Variants in PRSS12 observed in about 807,000 individuals in gnomAD.
PRSS12 encodes the protein neurotrypsin.
PRSS12 carries 85 observed loss-of-function variants against 104.4 expected under a neutral mutation model. The ratio of observed to expected loss-of-function variants is 0.81; its 90% CI spans 0.68 to 0.98. The LOEUF is 0.98. Ranked by LOEUF, PRSS12 falls within the 50% of genes least tolerant of loss-of-function variation. The pLI, the probability that PRSS12 is intolerant of heterozygous loss-of-function variation, is 0.00. For synonymous variants in PRSS12, 454 were observed against 425.2 expected, an observed-to-expected ratio of 1.07 and a Z score of -0.83; for missense variants, 1,141 against 1,139.2, an observed-to-expected ratio of 1.00 and a Z score of -0.02.
In PRSS12 at chr4:118,283,090, G is replaced by T; in HGVS notation, c.2061C>A (p.Ser687Arg). The change falls in exon 12 of 13, where the codon AGC becomes AGA. Residue 687 changes from serine to arginine, a missense_variant. By Grantham distance (110) the Ser-to-Arg change is moderately radical. Coordinates refer to ENST00000296498, the MANE Select transcript of PRSS12 (RefSeq NM_003619.4). ...GATAATCTCCAACCCTAACAGCATA[G>T]CTCCTAGTGCTGTTGCCATACCTGA... The part of the protein sequence containing the change: ...CFKRYGNSTR[S>R]YAVRVGDYHT... 6.2e-7 allele frequency: 1 copy of T among 1,614,068 alleles called. No individual in the cohort carries two copies.
At chr4:118,299,621 A>T (rs1743341317) in intron 8 of PRSS12, among the ~76,000 whole-genome samples, 1 of 151,488 alleles carries the variant, frequency 6.6e-6, no homozygotes, top group African/African-American at 2.4e-5. Flanking sequence ...CGGAAGCTGC[A>T]GTGAGCCGAG....
chr4:118,328,238 A>G (rs1723830082), intron 4 of PRSS12, among the ~76,000 whole-genome samples: 1 of 152,234 alleles, frequency 6.6e-6, no homozygotes, highest in South Asian at 2.1e-4. Flanking sequence ...GTAAACGAAG[A>G]ATGTCAGCTC....
At chr4:118,337,291 A>G (rs1724085974) in intron 2 of PRSS12, among the ~76,000 whole-genome samples, 1 of 152,174 alleles carries the variant, frequency 6.6e-6, no homozygotes, top group African/African-American at 2.4e-5. Context: ...AAATATTTCC[A>G]TGCTTTCTAA....
chr4:118,345,563 C>A (rs1019030439), intron 1 of PRSS12, among the ~76,000 whole-genome samples: 1 of 152,058 alleles, frequency 6.6e-6, no homozygotes, highest in African/African-American at 2.4e-5. Flanking sequence ...AGAATTAAAT[C>A]ATATAATCAT....
rs70941165 is a variant in PRSS12, at chr4:118,316,837, A to AATATATATATAT, written c.1151-526_1151-515dup. ...ACTCCGTCTCACGGAAAAAAAAAAA[A>AATATATATATAT]ATATATATATATATATATATCTTTC... is the stretch of plus-strand genomic sequence containing the variant. On this transcript the variant is annotated intron_variant, in intron 5 of 12. Coordinates refer to ENST00000296498, the MANE Select transcript of PRSS12 (RefSeq NM_003619.4). Among the ~76,000 whole-genome samples, 202 of 99,124 alleles carry AATATATATATAT rather than the reference A, an allele frequency of 2.0e-3. 3 individuals carry two copies. The highest frequency in any genetic ancestry group is 3.4e-3 in the African/African-American group (99 of 28,844). 65.0% of individuals were successfully genotyped at this position (99,124 alleles called of 152,430 possible). A position where few individuals can be genotyped will look rare whatever the true frequency, so the allele number is the denominator to read the frequency against.
intron 2 of PRSS12, among the ~76,000 whole-genome samples, chr4:118,336,707 T>C (rs1045934187): frequency 4.6e-5 from 7 of 152,228 alleles, no homozygotes; most frequent in African/African-American, 1.7e-4. Flanking sequence ...ACCTCCACTA[T>C]AGCGTTCTTG....
intron 1 of PRSS12, among the ~76,000 whole-genome samples, chr4:118,349,705 T>C (rs892125616): frequency 5.9e-5 from 9 of 152,118 alleles, no homozygotes; most frequent in Middle Eastern, 3.2e-3. Flanking sequence ...AGAAGGTTGC[T>C]ACAAGAATGA....
intron 2 of PRSS12, among the ~76,000 whole-genome samples, chr4:118,336,946 C>T (rs537537472): frequency 2.0e-5 from 3 of 152,200 alleles, no homozygotes; most frequent in African/African-American, 7.2e-5. Context: ...ATTAACATTT[C>T]CAAGCACCAT....
At chr4:118,319,345 G>C (rs1258160630) in intron 4 of PRSS12, among the ~76,000 whole-genome samples, 2 of 151,932 alleles carry the variant, frequency 1.3e-5, no homozygotes, top group Non-Finnish European at 2.9e-5. Context: ...TGGGATTCCA[G>C]GTGTGAACCA....
chr4:118,282,175 G>A lies in PRSS12; in HGVS notation c.2389C>T (p.Arg797Cys), dbSNP rs35996030. Reference sequence around the variant, plus strand: ...CTCCCTGTAAACCGACCCTTATAACGTTCTTCACAAAACCTTTTAGGAAGT... The same window carrying A: ...CTCCCTGTAAACCGACCCTTATAACATTCTTCACAAAACCTTTTAGGAAGT... ...PLLPKRFCEE[R>C]YKGRFTGRML... is the part of the protein sequence containing the mutation. The change falls in exon 13 of 13, where the codon CGT (arginine) becomes TGT (cysteine). Residue 797 changes from arginine to cysteine, a missense_variant. By Grantham distance (180) the Arg-to-Cys change is radical. Transcript: ENST00000296498. The A allele has an allele frequency of 6.0e-3, 9,605 of 1,614,120 alleles. 47 individuals are homozygous for A. Among genetic ancestry groups the A allele is most frequent in the Non-Finnish European group, 7.4e-3 (8,771 of 1,180,030 alleles).
chr4:118,288,425 T>C (rs1376824413), intron 11 of PRSS12, among the ~76,000 whole-genome samples: 1 of 152,244 alleles, frequency 6.6e-6, no homozygotes, highest in African/African-American at 2.4e-5. Flanking sequence ...TGACACACTG[T>C]GTTCTTAAAA....
Position 118,352,237 on chromosome 4 carries a change from A to T in PRSS12, c.484T>A (p.Tyr162Asn). 6.2e-7 allele frequency: 1 copy of T among 1,612,156 alleles called. No homozygotes were observed. Among genetic ancestry groups the T allele is most frequent in the Non-Finnish European group, 8.5e-7 (1 of 1,179,780 alleles). Reference protein sequence around the residue: ...GDARGKVDWGYCDCRHGSVRL... With the variant: ...GDARGKVDWGNCDCRHGSVRL... Reference sequence around the variant, plus strand: ...CACTAACCGTGTCTGCAGTCGCAGTAGCCCCAGTCCACCTTGCCACGGGCG... The same window carrying T: ...CACTAACCGTGTCTGCAGTCGCAGTTGCCCCAGTCCACCTTGCCACGGGCG... The change falls in exon 1 of 13, where the codon TAC becomes AAC. Residue 162 changes from tyrosine to asparagine, a missense_variant. By Grantham distance (143) the Tyr-to-Asn change is moderately radical. Coordinates refer to ENST00000296498, the MANE Select transcript of PRSS12 (RefSeq NM_003619.4).
Position 118,282,162 on chromosome 4 carries a change from C to T in PRSS12, c.2402G>A (p.Arg801Gln), listed in dbSNP as rs1033229181. 3 of 1,614,172 alleles carry T rather than the reference C, an allele frequency of 1.9e-6. No homozygotes were observed. Among genetic ancestry groups the T allele is most frequent in the South Asian group, 1.1e-5 (1 of 91,086 alleles). ...AGCACAAAGCATTCTCCCTGTAAAC[C>T]GACCCTTATAACGTTCTTCACAAAA... ...KRFCEERYKG[R>Q]FTGRMLCAGN... Residue 801 changes from arginine (R) to glutamine (Q), a missense_variant, in exon 13 of 13, where the codon CGG becomes CAG. By Grantham distance (43) the Arg-to-Gln change is conservative (BLOSUM62 1). Transcript: ENST00000296498.
intron 1 of PRSS12, among the ~76,000 whole-genome samples, chr4:118,345,147 A>C (rs967311823): frequency 6.6e-6 from 1 of 152,210 alleles, no homozygotes; most frequent in African/African-American, 2.4e-5. Flanking sequence ...ATGTTTAAGG[A>C]ATAAATGAAA....
At chr4:118,321,320 G>T (rs976355939) in intron 4 of PRSS12, among the ~76,000 whole-genome samples, 1 of 152,170 alleles carries the variant, frequency 6.6e-6, no homozygotes, top group South Asian at 2.1e-4. Context: ...TATATGCCTA[G>T]AGAAGAGTGC....
chr4:118,298,732 C>A lies in PRSS12; in HGVS notation c.1837+1G>T. ...GTTTAGGGCTCCAGAAGGTGACTTA[C>A]CTTTATTACTGTTACCTGAGGCCTT... On this transcript the variant is annotated splice_donor_variant, in intron 9 of 12. Transcript: ENST00000296498. LOFTEE classifies it high-confidence loss of function. 1.2e-6 allele frequency: 2 copies of A among 1,614,024 alleles called. No homozygotes were observed. Among genetic ancestry groups the A allele is most frequent in the Non-Finnish European group, 1.7e-6 (2 of 1,179,904 alleles).
rs746343292 is a variant in PRSS12, at chr4:118,308,592, A to G, written c.1490-15T>C. The stretch of plus-strand genomic sequence containing the variant: ...GACAGGAAAACCTAAGTCATGATTC[A>G]AAAGTATTAGAACAGCCCAAACATG... On this transcript the variant is annotated splice_polypyrimidine_tract_variant and intron_variant, in intron 7 of 12. Coordinates refer to ENST00000296498, the MANE Select transcript of PRSS12 (RefSeq NM_003619.4). 143 of 1,613,536 alleles carry G rather than the reference A, an allele frequency of 8.9e-5. No homozygotes were observed. The highest frequency in any genetic ancestry group is 1.0e-4 in the Non-Finnish European group (123 of 1,179,724).
intron 1 of PRSS12, among the ~76,000 whole-genome samples, chr4:118,348,821 T>C (rs1724419403): frequency 1.3e-5 from 2 of 152,118 alleles, no homozygotes. Context: ...CTGGCTAATT[T>C]TGTATTTTTA....
intron 1 of PRSS12, among the ~76,000 whole-genome samples, chr4:118,346,785 A>C (rs1485133026): frequency 1.3e-5 from 2 of 152,136 alleles, no homozygotes. Context: ...TAGGAGCTCG[A>C]ACTCCATTGC....
Sources: allele counts gnomAD v4.1 joint callset (sites outside exome capture counted in the v4.1 genomes callset), GRCh38; gene constraint gnomAD v4.1.1; transcripts MANE v1.5; gene names NCBI Gene and HGNC (gene_info 2026-07-23, HGNC 2026-07-21).